The following CCDC148 variants were observed in gnomAD, a reference collection of about 807,000 sequenced individuals.
CCDC148 encodes the protein coiled-coil domain containing 148, also known as coiled-coil domain-containing protein 148.
A neutral mutation model predicts 85.7 loss-of-function variants in CCDC148; 89 were observed. The observed-to-expected ratio is 1.04, with a 90% confidence interval of 0.87 to 1.24. The LOEUF is 1.24. Among genes scored for constraint, CCDC148 ranks in the 50% most tolerant of loss-of-function variants. CCDC148 has a pLI of 0.00. For missense variants in CCDC148, 692 were observed against 671.7 expected (o/e 1.03, Z -0.33); for synonymous variants, 230 against 213.9 (o/e 1.08, Z -0.66).
intron 9 of CCDC148, among the ~76,000 whole-genome samples, chr2:158,276,731 G>A (rs1689964750): frequency 6.6e-6 from 1 of 152,162 alleles, no homozygotes. Flanking sequence ...TCAGCCATTT[G>A]AAATTGTGAA....
intron 10 of CCDC148, among the ~76,000 whole-genome samples, chr2:158,248,424 T>A (rs1688657929): frequency 6.6e-6 from 1 of 152,188 alleles, no homozygotes; most frequent in Non-Finnish European, 1.5e-5. Flanking sequence ...AAATATTTTA[T>A]AAATGAAAAA....
chr2:158,342,897 T>C (rs1682802063), intron 3 of CCDC148, among the ~76,000 whole-genome samples: 1 of 152,206 alleles, frequency 6.6e-6, no homozygotes, highest in African/African-American at 2.4e-5. Flanking sequence ...CATAACACAA[T>C]TTAAATAAAA....
At chr2:158,403,398 CCTT>C (rs1685868208) in intron 1 of CCDC148, among the ~76,000 whole-genome samples, 1 of 151,942 alleles carries the variant, frequency 6.6e-6, no homozygotes, top group Non-Finnish European at 1.5e-5. Flanking sequence ...CATACAGACA[CCTT>C]CTCCAGAAGG....
intron 2 of CCDC148, among the ~76,000 whole-genome samples, chr2:158,357,440 C>T (rs1231364469): frequency 6.6e-6 from 1 of 151,838 alleles, no homozygotes; most frequent in African/African-American, 2.4e-5. Context: ...TGATTTCATG[C>T]CTATGTTTAT....
At chr2:158,242,842 CT>C (rs763080219) in intron 10 of CCDC148, among the ~76,000 whole-genome samples, 84 of 152,080 alleles carry the variant, frequency 5.5e-4, no homozygotes, top group Admixed American at 5.2e-4. Flanking sequence ...TCTATTGAGC[CT>C]TTAGTGAAAT....
intron 7 of CCDC148, among the ~76,000 whole-genome samples, chr2:158,327,476 C>A (rs566067174): frequency 1.3e-5 from 2 of 152,268 alleles, no homozygotes; most frequent in African/African-American, 4.8e-5. Flanking sequence ...ACATGAGCAA[C>A]GTGAATGCCT....
intron 11 of CCDC148, among the ~76,000 whole-genome samples, chr2:158,179,525 T>C (rs933727721): frequency 1.4e-4 from 21 of 152,004 alleles, no homozygotes; most frequent in African/African-American, 4.3e-4. Flanking sequence ...GAAATCACTT[T>C]ATTAACTCTC....
intron 2 of CCDC148, among the ~76,000 whole-genome samples, chr2:158,352,264 G>A (rs71588496): frequency 4.0e-5 from 6 of 150,348 alleles, no homozygotes; most frequent in Non-Finnish European, 7.4e-5. Context: ...GGCTTCAGAC[G>A]ATCAAATTAC....
At chr2:158,417,085 C>G (rs955460499) in intron 1 of CCDC148, among the ~76,000 whole-genome samples, 3 of 152,142 alleles carry the variant, frequency 2.0e-5, no homozygotes, top group Admixed American at 2.0e-4. Context: ...ATCATAAGAA[C>G]AGCAAGGGGG....
At chr2:158,281,910 A>G (rs917834400) in intron 9 of CCDC148, among the ~76,000 whole-genome samples, 4 of 152,002 alleles carry the variant, frequency 2.6e-5, no homozygotes, top group African/African-American at 9.7e-5. Flanking sequence ...CCAGCAGCAC[A>G]TGAAAAAGCT....
At chr2:158,262,186 A>C (rs1209062763) in intron 9 of CCDC148, among the ~76,000 whole-genome samples, 2 of 152,154 alleles carry the variant, frequency 1.3e-5, no homozygotes, top group Non-Finnish European at 2.9e-5. Context: ...CAGCCATAAA[A>C]AAGAACAAGA....
At chr2:158,200,599 A>C (rs1039809979) in intron 11 of CCDC148, among the ~76,000 whole-genome samples, 3 of 152,228 alleles carry the variant, frequency 2.0e-5, no homozygotes, top group Admixed American at 1.3e-4. Flanking sequence ...TCATTGACTA[A>C]GAAATTGATT....
intron 1 of CCDC148, among the ~76,000 whole-genome samples, chr2:158,376,816 T>C (rs1684669902): frequency 6.6e-6 from 1 of 152,096 alleles, no homozygotes; most frequent in African/African-American, 2.4e-5. Context: ...AAGGCAAATT[T>C]ATAGTTGGCA....
intron 9 of CCDC148, among the ~76,000 whole-genome samples, chr2:158,275,483 C>T (rs1329602907): frequency 6.6e-6 from 1 of 152,092 alleles, no homozygotes; most frequent in Non-Finnish European, 1.5e-5. Flanking sequence ...TTTTTCCTTT[C>T]TCAAAAAATA....
chr2:158,195,417 A>T (rs887001323), intron 11 of CCDC148, among the ~76,000 whole-genome samples: 1 of 152,134 alleles, frequency 6.6e-6, no homozygotes, highest in African/African-American at 2.4e-5. Flanking sequence ...TTGGGAATTC[A>T]TCATCGTTTA....
At chr2:158,278,861 T>A (rs1170968708) in intron 9 of CCDC148, among the ~76,000 whole-genome samples, 1 of 152,206 alleles carries the variant, frequency 6.6e-6, no homozygotes, top group South Asian at 2.1e-4. Context: ...CTGAGCAGCC[T>A]AACTGGGAGG....
At chr2:158,328,662 C>T (rs1692923382) in intron 7 of CCDC148, among the ~76,000 whole-genome samples, 1 of 152,162 alleles carries the variant, frequency 6.6e-6, no homozygotes, top group Non-Finnish European at 1.5e-5. Context: ...TCTCCACATC[C>T]TCTCCAGCAC....
chr2:158,437,645 A>G (rs1050906693), intron 1 of CCDC148, among the ~76,000 whole-genome samples: 1 of 152,212 alleles, frequency 6.6e-6, no homozygotes, highest in Non-Finnish European at 1.5e-5. Flanking sequence ...AGGCAGGAGA[A>G]GGAAATAAAG....
chr2:158,282,370 T>C (rs1441274998), intron 9 of CCDC148, among the ~76,000 whole-genome samples: 1 of 152,204 alleles, frequency 6.6e-6, no homozygotes, highest in Non-Finnish European at 1.5e-5. Flanking sequence ...ATTGTATATC[T>C]AGAAAATCCC....
Sources: gnomAD v4.1 joint callset for allele counts (sites outside exome capture counted in the v4.1 genomes callset) on GRCh38, gnomAD v4.1.1 for gene constraint, MANE v1.5 for transcripts, NCBI Gene and HGNC (gene_info 2026-07-23, HGNC 2026-07-21) for gene names.